Variants in SMAP1 observed in about 807,000 individuals in gnomAD.
SMAP1 encodes the protein small ArfGAP 1.
A neutral mutation model predicts 58.5 loss-of-function variants in SMAP1; 24 were observed. The observed-to-expected ratio is 0.41, with a 90% CI of 0.30 to 0.58. The LOEUF is 0.58. SMAP1 is among the 20% of genes least tolerant of loss of function. The pLI is 0.29. For missense variants in SMAP1, 563 were observed against 566.3 expected (o/e 0.99, Z 0.06); for synonymous variants, 216 against 196.6 (o/e 1.10, Z -0.82).
At chr6:70,705,656 C>T (rs1209599179) in intron 1 of SMAP1, among the ~76,000 whole-genome samples, 1 of 152,180 alleles carries the variant, frequency 6.6e-6, no homozygotes, top group African/African-American at 2.4e-5. Context: ...AAGAAGGAAA[C>T]ATTCTATTAC....
chr6:70,853,166 A>C (rs1166447972), intron 8 of SMAP1, among the ~76,000 whole-genome samples: 2 of 152,094 alleles, frequency 1.3e-5, no homozygotes, highest in Non-Finnish European at 2.9e-5. Flanking sequence ...ATGAAGGTAA[A>C]TTATGTTTTA....
rs868287341 is a variant in SMAP1, at chr6:70,837,872, C to T, written c.664+844C>T. On this transcript the variant is annotated intron_variant, in intron 7 of 10. Coordinates refer to ENST00000370455, the MANE Select transcript of SMAP1 (RefSeq NM_001044305.3). The stretch of plus-strand genomic sequence containing the variant: ...TGTACTGCTTTCCAAAAAATTGATC[C>T]TAGTTGTTATTGAATAAATTGTTGT... 8 of 1,239,332 alleles carry T rather than the reference C, an allele frequency of 6.5e-6. No homozygotes were observed. The Admixed American group carries it at 2.2e-4, about 35-fold the overall frequency. The allele number at this position is 1,239,332 out of a possible 1,614,324, so 76.8% of individuals were successfully genotyped here.
At chr6:70,842,823 T>C (rs562114460) in intron 7 of SMAP1, among the ~76,000 whole-genome samples, 10 of 152,252 alleles carry the variant, frequency 6.6e-5, no homozygotes, top group South Asian at 2.1e-4. Flanking sequence ...TGTCACCTTA[T>C]GGCCAACACA....
At chr6:70,859,653 ATT>A in intron 10 of SMAP1, 3 of 272,984 alleles carry the variant, frequency 1.1e-5, no homozygotes, top group East Asian at 7.0e-5. Context: ...ATATATATAT[ATT>A]TGACTCCAGT....
At chr6:70,843,812 G>A (rs1290537920) in intron 7 of SMAP1, among the ~76,000 whole-genome samples, 1 of 152,156 alleles carries the variant, frequency 6.6e-6, no homozygotes, top group African/African-American at 2.4e-5. Context: ...AGAATAAATG[G>A]TGTGCTTTAT....
At chr6:70,766,975 T>C (rs1333757749) in intron 3 of SMAP1, among the ~76,000 whole-genome samples, 1 of 152,066 alleles carries the variant, frequency 6.6e-6, no homozygotes, top group Non-Finnish European at 1.5e-5. Context: ...GGCTAGCCAG[T>C]TTTCCCAGCA....
intron 3 of SMAP1, among the ~76,000 whole-genome samples, chr6:70,771,717 G>A (rs991219134): frequency 2.0e-5 from 3 of 152,144 alleles, no homozygotes; most frequent in African/African-American, 7.2e-5. Context: ...GTGAGGCAAT[G>A]CCTCTCCCTG....
intron 6 of SMAP1, among the ~76,000 whole-genome samples, chr6:70,815,104 C>G (rs1204838209): frequency 1.3e-5 from 2 of 152,030 alleles, no homozygotes; most frequent in African/African-American, 4.8e-5. Flanking sequence ...TGGCATTGCT[C>G]ACACTAATTG....
Position 70,668,102 on chromosome 6 carries a change from G to A in SMAP1, c.79G>A (p.Glu27Lys), listed in dbSNP as rs1241479276. 1.9e-6 allele frequency: 3 copies of A among 1,603,776 alleles called. No homozygotes were observed. Among genetic ancestry groups the A allele is most frequent in the Non-Finnish European group, 2.6e-6 (3 of 1,175,914 alleles). Residue 27 changes from glutamate to lysine, a missense_variant, in exon 1 of 11, where the codon GAG (glutamate) becomes AAG (lysine). Transcript: ENST00000370455. ...HQLILSKLLR[E>K]EDNKYCADCE... ...GCTCATCCTATCCAAGCTTCTGAGGGAGGAGGACAACAAGTACTGCGCCGA... is the reference window on the plus strand; with the variant it reads ...GCTCATCCTATCCAAGCTTCTGAGGAAGGAGGACAACAAGTACTGCGCCGA...
At chr6:70,693,627 G>A (rs1048836672) in intron 1 of SMAP1, among the ~76,000 whole-genome samples, 9 of 152,054 alleles carry the variant, frequency 5.9e-5, no homozygotes, top group Non-Finnish European at 1.0e-4. Context: ...TAGGGATTGC[G>A]TTGAATCTGT....
At chr6:70,778,233 G>A (rs1024032526) in intron 4 of SMAP1, among the ~76,000 whole-genome samples, 1 of 152,074 alleles carries the variant, frequency 6.6e-6, no homozygotes, top group African/African-American at 2.4e-5. Flanking sequence ...AGGATATTAT[G>A]TTGAATATTA....
At chr6:70,792,032 G>A (rs745722622) in intron 5 of SMAP1, among the ~76,000 whole-genome samples, 3 of 151,938 alleles carry the variant, frequency 2.0e-5, no homozygotes, top group Non-Finnish European at 2.9e-5. Context: ...TTGTTGTTGC[G>A]CCCATTACTA....
chr6:70,691,238 C>T (rs1338614395), intron 1 of SMAP1, among the ~76,000 whole-genome samples: 1 of 152,082 alleles, frequency 6.6e-6, no homozygotes, highest in African/African-American at 2.4e-5. Context: ...TGATGTTTTT[C>T]AAATAATCAG....
In SMAP1 at chr6:70,852,554, G is replaced by A; in HGVS notation, c.679G>A (p.Ala227Thr). The change falls in exon 8 of 11, where the codon GCA (alanine) becomes ACA (threonine). Residue 227 changes from alanine (A) to threonine (T), a missense_variant. By Grantham distance (58) the Ala-to-Thr change is moderately conservative. Coordinates refer to ENST00000370455, the MANE Select transcript of SMAP1 (RefSeq NM_001044305.3). ...DLLGLDGPAV[A>T]PVTNGNTTVP... is the part of the protein sequence containing the mutation. ...ATTCTTTTCAGATGGCCCTGCTGTG[G>A]CACCAGTGACCAACGGGAACACAAC... 1 of 1,595,380 alleles carries A rather than the reference G, an allele frequency of 6.3e-7. No homozygotes were observed. The highest frequency in any genetic ancestry group is 8.5e-7 in the Non-Finnish European group (1 of 1,171,308).
intron 1 of SMAP1, among the ~76,000 whole-genome samples, chr6:70,674,677 T>TA (rs907258102): frequency 2.6e-5 from 4 of 152,216 alleles, no homozygotes; most frequent in African/African-American, 9.6e-5. Context: ...CTGTGTGTGT[T>TA]AAAAAAGTTT....
At chr6:70,834,220 AAG>A (rs1770476317) in intron 6 of SMAP1, among the ~76,000 whole-genome samples, 1 of 152,178 alleles carries the variant, frequency 6.6e-6, no homozygotes, top group Admixed American at 6.5e-5. Flanking sequence ...CCTTATAAAC[AAG>A]AGTTTCTATT....
intron 6 of SMAP1, among the ~76,000 whole-genome samples, chr6:70,836,738 C>G (rs1199591253): frequency 6.6e-6 from 1 of 152,112 alleles, no homozygotes; most frequent in African/African-American, 2.4e-5. Flanking sequence ...ATTTTGGGGT[C>G]CCAATATGTG....
intron 1 of SMAP1, among the ~76,000 whole-genome samples, chr6:70,701,166 C>T (rs1222192506): frequency 2.6e-5 from 4 of 152,150 alleles, no homozygotes; most frequent in Non-Finnish European, 5.9e-5. Context: ...CTGCTACCTC[C>T]ACCTCCTAGG....
intron 1 of SMAP1, among the ~76,000 whole-genome samples, chr6:70,707,892 G>T (rs1460894875): frequency 1.3e-5 from 2 of 152,136 alleles, no homozygotes; most frequent in African/African-American, 4.8e-5. Context: ...CACATATATA[G>T]TGAAATGATT....
Sources: allele counts gnomAD v4.1 joint callset (sites outside exome capture counted in the v4.1 genomes callset), GRCh38; gene constraint gnomAD v4.1.1; transcripts MANE v1.5; gene names NCBI Gene and HGNC (gene_info 2026-07-23, HGNC 2026-07-21).